Variants in LCMT1 observed in about 807,000 individuals in gnomAD.
LCMT1 encodes leucine carboxyl methyltransferase 1, also known as [Phosphatase 2A protein]-leucine-carboxy methyltransferase 1.
Under a neutral mutation model 47.7 loss-of-function variants are expected in LCMT1, and 32 were observed. The observed-to-expected ratio is 0.67, with a 90% confidence interval of 0.51 to 0.90. LCMT1 has a LOEUF of 0.90. Ranked by LOEUF, LCMT1 falls within the 40% of genes least tolerant of loss-of-function variation. The pLI, the probability that LCMT1 is intolerant of heterozygous loss-of-function variation, is 0.00. For missense variants in LCMT1, 375 were observed against 415.2 expected, an observed-to-expected ratio of 0.90 and a Z score of 0.84; for synonymous variants, 152 against 149.7, an observed-to-expected ratio of 1.02 and a Z score of -0.11.
chr16:25,128,658 T>C (rs1036326083), intron 2 of LCMT1, 92 bp downstream of exon 2: 10 of 944,330 alleles, frequency 1.1e-5, no homozygotes, highest in Non-Finnish European at 1.6e-5. Flanking sequence ...GTGCTCCCTT[T>C]CCAGCTGTGC....
intron 1 of LCMT1, among the ~76,000 whole-genome samples, chr16:25,116,672 G>A (rs1176037767): frequency 6.7e-6 from 1 of 149,960 alleles, no homozygotes; most frequent in Non-Finnish European, 1.5e-5. Context: ...CTTGAGCTCA[G>A]GAGTTCAAGA....
At chr16:25,135,179 A>G (rs749337795) in intron 3 of LCMT1, among the ~76,000 whole-genome samples, 12 of 152,128 alleles carry the variant, frequency 7.9e-5, no homozygotes, top group Non-Finnish European at 1.5e-4. Context: ...AGTAGTGAGG[A>G]AGGAAGACTG....
chr16:25,157,666 A>G (rs74317716), intron 5 of LCMT1, among the ~76,000 whole-genome samples: 2,276 of 152,370 alleles, frequency 0.015, 101 homozygotes, highest in Admixed American at 0.091. Context: ...GCTGCAAAGC[A>G]TGTGGCTTAA....
intron 2 of LCMT1, chr16:25,132,109 T>C (rs762136212): frequency 4.1e-5 from 19 of 461,234 alleles, no homozygotes; most frequent in Middle Eastern, 6.7e-4. Context: ...AGATGGACTT[T>C]AGACGTTTCA....
chr16:25,121,638 G>T (rs1430618192), intron 1 of LCMT1, among the ~76,000 whole-genome samples: 1 of 152,112 alleles, frequency 6.6e-6, no homozygotes, highest in East Asian at 1.9e-4. Flanking sequence ...ATGGCGGAAG[G>T]CAAAGGAGAA....
chr16:25,125,865 A>ATAT, intron 1 of LCMT1: 1 of 181,778 alleles, frequency 5.5e-6, no homozygotes, highest in Non-Finnish European at 9.5e-6. Flanking sequence ...AATAATAATA[A>ATAT]TAATAATAGT....
At chr16:25,164,799 T>C (rs1961538669) in intron 7 of LCMT1, 81 bp downstream of exon 7, 2 of 1,559,118 alleles carry the variant, frequency 1.3e-6, no homozygotes, top group African/African-American at 2.7e-5. Flanking sequence ...TAGGATAACT[T>C]CCCTTATCCT....
chr16:25,169,862 CT>C (rs1961699859), intron 8 of LCMT1, among the ~76,000 whole-genome samples: 2 of 152,074 alleles, frequency 1.3e-5, no homozygotes, highest in South Asian at 4.1e-4. Context: ...TTAATGCCCC[CT>C]CCCTTTAAAA....
chr16:25,156,143 G>T (rs770915915), intron 5 of LCMT1, among the ~76,000 whole-genome samples: 1 of 151,996 alleles, frequency 6.6e-6, no homozygotes, highest in Non-Finnish European at 1.5e-5. Context: ...TCCTCAGAGG[G>T]GCCCTCCCTG....
chr16:25,117,169 G>A (rs1041485186), intron 1 of LCMT1, among the ~76,000 whole-genome samples: 22 of 152,194 alleles, frequency 1.4e-4, no homozygotes. Context: ...TGGGAGAAGG[G>A]TTGGTGACAC....
intron 5 of LCMT1, among the ~76,000 whole-genome samples, chr16:25,153,001 A>C (rs1961127318): frequency 6.6e-6 from 1 of 152,100 alleles, no homozygotes; most frequent in Admixed American, 6.6e-5. Flanking sequence ...GACAGCCTTC[A>C]CCAGTAGTCA....
chr16:25,134,407 A>G (rs1960444450), intron 3 of LCMT1, among the ~76,000 whole-genome samples: 1 of 152,200 alleles, frequency 6.6e-6, no homozygotes, highest in African/African-American at 2.4e-5. Context: ...GGTGTTTTAC[A>G]CAGATGAGGG....
intron 1 of LCMT1, among the ~76,000 whole-genome samples, chr16:25,119,028 G>A (rs781482972): frequency 1.1e-4 from 17 of 152,196 alleles, no homozygotes; most frequent in Non-Finnish European, 1.6e-4. Context: ...AGTTAAGGAC[G>A]GAGGCAGGAT....
At chr16:25,142,350 T>C (rs1597580813) in intron 4 of LCMT1, 1 of 152,376 alleles carries the variant, frequency 6.6e-6, no homozygotes, top group South Asian at 2.1e-4. Flanking sequence ...TTCCACCCTT[T>C]TTGGTGACCA....
chr16:25,124,031 G>A (rs758784528), intron 1 of LCMT1, among the ~76,000 whole-genome samples: 5 of 152,100 alleles, frequency 3.3e-5, no homozygotes, highest in Admixed American at 3.3e-4. Context: ...TTTTTACCAG[G>A]GAATTACTGA....
At chr16:25,172,721 G>A (rs143940490) in intron 9 of LCMT1, among the ~76,000 whole-genome samples, 123 of 152,348 alleles carry the variant, frequency 8.1e-4, no homozygotes, top group Non-Finnish European at 1.4e-3. Context: ...AAAGCCTAGA[G>A]GGTTTGAGAA....
intron 6 of LCMT1, among the ~76,000 whole-genome samples, chr16:25,162,860 A>C (rs191617801): frequency 4.0e-5 from 5 of 124,956 alleles, no homozygotes; most frequent in African/African-American, 1.5e-4. Context: ...TGATTATGCT[A>C]TGCGTATAAT....
intron 7 of LCMT1, among the ~76,000 whole-genome samples, chr16:25,165,679 A>C (rs1961569265): frequency 6.6e-6 from 1 of 151,708 alleles, no homozygotes. Context: ...CATCACACCC[A>C]GCTAATTTTG....
chr16:25,175,426 C>A (rs1961900582), intron 10 of LCMT1, among the ~76,000 whole-genome samples: 1 of 151,302 alleles, frequency 6.6e-6, no homozygotes, highest in Non-Finnish European at 1.5e-5. Context: ...GAGTTTGAGA[C>A]CAGCCTGGCC....
Sources: gnomAD v4.1 joint callset for allele counts (sites outside exome capture counted in the v4.1 genomes callset) on GRCh38, gnomAD v4.1.1 for gene constraint, MANE v1.5 for transcripts, NCBI Gene and HGNC (gene_info 2026-07-23, HGNC 2026-07-21) for gene names.